The following SKA2 variants were observed in gnomAD, a reference collection of about 807,000 sequenced individuals.
SKA2 encodes the protein spindle and kinetochore associated complex subunit 2.
In SKA2, 13 loss-of-function variants were observed where a neutral mutation model predicts 16.9. The ratio of observed to expected loss-of-function variants is 0.77; its 90% CI spans 0.50 to 1.22. The LOEUF is 1.22. Among genes scored for constraint, SKA2 ranks in the 50% most tolerant of loss-of-function variants. SKA2 has a pLI of 0.00. For synonymous variants in SKA2, 47 were observed against 48.5 expected (o/e 0.97, Z 0.13); for missense variants, 107 against 139.7 (o/e 0.77, Z 1.18).
chr17:59,114,631 TAGGC>T (rs764980177), intron 3 of SKA2, among the ~76,000 whole-genome samples: 6 of 152,240 alleles, frequency 3.9e-5, no homozygotes, highest in East Asian at 3.9e-4. Context: ...TATATTCTGG[TAGGC>T]AGGAAAGGAT....
intron 1 of SKA2, chr17:59,154,919 C>A: frequency 6.2e-7 from 1 of 1,607,204 alleles, no homozygotes; most frequent in South Asian, 1.1e-5. Context: ...CATCTCCCGC[C>A]ATTTCCCTGA....
intron 1 of SKA2, among the ~76,000 whole-genome samples, chr17:59,134,902 T>G (rs2046433794): frequency 6.6e-6 from 1 of 152,038 alleles, no homozygotes; most frequent in Non-Finnish European, 1.5e-5. Flanking sequence ...TGGCAACAAC[T>G]CGGCTCACTA....
rs953090520 is a variant in SKA2, at chr17:59,121,028, T to C, written c.121-1533A>G. ...TTAGCTGGGCATTGTGGCGGGCACC[T>C]GTAGTCCCAGCTACTCAAGAGGCTG... On this transcript the variant is annotated intron_variant, in intron 2 of 3. Coordinates refer to ENST00000330137, the MANE Select transcript of SKA2 (RefSeq NM_182620.4). Among the ~76,000 whole-genome samples, 17 of 151,730 alleles carry C rather than the reference T, an allele frequency of 1.1e-4. No individual in the cohort carries two copies. In the East Asian group the frequency reaches 3.1e-3, roughly 28 times the overall value.
intron 1 of SKA2, among the ~76,000 whole-genome samples, chr17:59,153,652 C>A (rs1335556279): frequency 6.6e-6 from 1 of 152,134 alleles, no homozygotes; most frequent in Non-Finnish European, 1.5e-5. Flanking sequence ...AAGTTAGAGA[C>A]CCAAGATTCA....
At chr17:59,122,050 A>G (rs1201237961) in intron 2 of SKA2, among the ~76,000 whole-genome samples, 1 of 152,088 alleles carries the variant, frequency 6.6e-6, no homozygotes, top group East Asian at 1.9e-4. Flanking sequence ...GGATAGAGAC[A>G]CCAGAAAGGA....
chr17:59,119,423 T>C lies in SKA2; in HGVS notation c.193A>G (p.Lys65Glu). The change falls in exon 3 of 4, where the codon AAA becomes GAA. Residue 65 changes from lysine to glutamate, a missense_variant. Lys to Glu is a moderately conservative substitution (Grantham distance 56). Transcript: ENST00000330137. ...SRYQTLYARF[K>E]PVAVEQKESK... ...TCTTTCTGCTCAACAGCAACTGGTTTAAAGCGGGCATACAAAGTTTGATAT... is the reference window on the plus strand; with the variant it reads ...TCTTTCTGCTCAACAGCAACTGGTTCAAAGCGGGCATACAAAGTTTGATAT... 6.2e-7 allele frequency: 1 copy of C among 1,614,000 alleles called. No homozygotes were observed. The highest frequency in any genetic ancestry group is 8.5e-7 in the Non-Finnish European group (1 of 1,179,876).
chr17:59,111,599 A>G lies in SKA2; in HGVS notation c.*678T>C, dbSNP rs1947052120. ...GAACAATTATAGTAATAAAGGCTGA[A>G]GGAAAACAAAGATATTATTGAGATA... On this transcript the variant is annotated 3_prime_UTR_variant, in exon 4 of 4. Coordinates refer to ENST00000330137, the MANE Select transcript of SKA2 (RefSeq NM_182620.4). The G allele has an allele frequency of 6.6e-6, 1 of 152,220 alleles. No homozygotes were observed. The highest frequency in any genetic ancestry group is 2.4e-5 in the African/African-American group (1 of 41,456). The allele number at this position is 152,220 out of a possible 1,614,324, so 9.4% of individuals were successfully genotyped here.
intron 1 of SKA2, chr17:59,151,289 G>C (rs373821708): frequency 1.3e-4 from 59 of 445,092 alleles, no homozygotes; most frequent in African/African-American, 1.1e-3. Context: ...CGAATTTAAA[G>C]TAGGGTTGCC....
intron 1 of SKA2, chr17:59,154,845 G>T: frequency 8.3e-7 from 1 of 1,209,078 alleles, no homozygotes; most frequent in Non-Finnish European, 1.2e-6. Context: ...ACCCGGCGCA[G>T]TTTCGTAAGG....
At position 59,129,082 on chromosome 17, in the gene SKA2, C is replaced by T. The variant is rs118145327; in HGVS notation, c.120+2199G>A. Among the ~76,000 whole-genome samples the T allele has an allele frequency of 5.4e-4, 82 of 152,200 alleles. 3 individuals carry two copies. In the East Asian group the frequency reaches 0.014, roughly 25 times the overall value. ...ATACTGACTAGGTCAGGCGTGGTGG[C>T]GCACGCCTATAATCCCAGCACTTTG... On this transcript the variant is annotated intron_variant, in intron 2 of 3. Transcript: ENST00000330137.
chr17:59,149,282 A>C (rs141887631), intron 1 of SKA2, among the ~76,000 whole-genome samples: 23 of 152,234 alleles, frequency 1.5e-4, no homozygotes, highest in African/African-American at 5.3e-4. Flanking sequence ...CTGAAGTGGG[A>C]AGATCATTTG....
chr17:59,135,830 A>C (rs994611529), intron 1 of SKA2, among the ~76,000 whole-genome samples: 1 of 148,270 alleles, frequency 6.7e-6, no homozygotes. Flanking sequence ...TTTATATTTT[A>C]AAAAATATAT....
At chr17:59,120,677 C>T (rs2046326408) in intron 2 of SKA2, among the ~76,000 whole-genome samples, 1 of 152,074 alleles carries the variant, frequency 6.6e-6, no homozygotes, top group Admixed American at 6.6e-5. Context: ...TCTGAAACTT[C>T]CAGGTGATAG....
At chr17:59,139,824 G>A (rs1174249905) in intron 1 of SKA2, among the ~76,000 whole-genome samples, 1 of 152,108 alleles carries the variant, frequency 6.6e-6, no homozygotes, top group African/African-American at 2.4e-5. Flanking sequence ...GCAAGAGATC[G>A]CTTTTTTGTA....
chr17:59,141,086 T>C (rs2046485487), intron 1 of SKA2, among the ~76,000 whole-genome samples: 1 of 151,980 alleles, frequency 6.6e-6, no homozygotes, highest in African/African-American at 2.4e-5. Context: ...TGTGAGCCAC[T>C]GCTCCAAGCC....
chr17:59,114,085 TGAGTA>T (rs1298885765), intron 3 of SKA2, among the ~76,000 whole-genome samples: 1 of 152,192 alleles, frequency 6.6e-6, no homozygotes, highest in African/African-American at 2.4e-5. Flanking sequence ...CTCTCAGCAG[TGAGTA>T]AAGTCTTCCT....
rs142878451 is a variant in SKA2 at position 59,134,792 on chromosome 17, G to T, written c.34-3425C>A. On this transcript the variant is annotated intron_variant, in intron 1 of 3. Transcript: ENST00000330137. ...GTCACAAAACATGATGAGTTTGGGG[G>T]ACACAAAACTCCCAAATGTAGACTA... 2.3e-3 allele frequency among the ~76,000 whole-genome samples: 350 copies of T among 151,958 alleles called. 5 individuals carry two copies. Among genetic ancestry groups the T allele is most frequent in the African/African-American group, 8.1e-3 (334 of 41,450 alleles).
intron 3 of SKA2, among the ~76,000 whole-genome samples, chr17:59,112,703 C>G (rs886102832): frequency 5.3e-5 from 8 of 152,150 alleles, no homozygotes; most frequent in African/African-American, 9.7e-5. Flanking sequence ...TCCACAGATG[C>G]TCAAGTCCCT....
chr17:59,119,298 C>T, intron 3 of SKA2, 21 bp downstream of exon 3: 1 of 1,611,618 alleles, frequency 6.2e-7, no homozygotes, highest in South Asian at 1.1e-5. Context: ...ACAAATCTAA[C>T]CTGTCAACTG....
Sources: allele counts gnomAD v4.1 joint callset (sites outside exome capture counted in the v4.1 genomes callset), GRCh38; gene constraint gnomAD v4.1.1; transcripts MANE v1.5; gene names NCBI Gene and HGNC (gene_info 2026-07-23, HGNC 2026-07-21).